FGGY: variants seen among roughly 807,000 people sequenced by gnomAD.
FGGY encodes FGGY carbohydrate kinase domain-containing protein.
In FGGY, 72 loss-of-function variants were observed where a neutral mutation model predicts 71.3. The observed-to-expected ratio is 1.01, with a 90% CI of 0.84 to 1.23. The LOEUF is 1.23. Ranked by LOEUF, FGGY falls within the 50% of genes most tolerant of loss-of-function variation. FGGY has a pLI of 0.00. For missense variants in FGGY, 668 were observed against 682.3 expected (o/e 0.98, Z 0.23); for synonymous variants, 251 against 250.3 (o/e 1.00, Z -0.02).
intron 11 of FGGY, among the ~76,000 whole-genome samples, chr1:59,642,308 T>G (rs1191634111): frequency 5.3e-5 from 8 of 152,160 alleles, no homozygotes. Flanking sequence ...AAGAGACAAA[T>G]TTAAGTATAC....
chr1:59,394,452 G>A lies in FGGY; in HGVS notation c.554+15615G>A, dbSNP rs1377697367. 1.4e-4 allele frequency among the ~76,000 whole-genome samples: 22 copies of A among 152,256 alleles called. No homozygotes were observed. In the East Asian group the frequency reaches 3.9e-3, roughly 27 times the overall value. On this transcript the variant is annotated intron_variant, in intron 5 of 15. Coordinates refer to ENST00000303721, the MANE Select transcript of FGGY (RefSeq NM_018291.5). ...TAAAATGCCCACCCTGGGACTTATT[G>A]TGTGACCTTGAGCACGTTACATACC...
chr1:59,726,739 T>A (rs1285667666), intron 14 of FGGY, among the ~76,000 whole-genome samples: 1 of 152,150 alleles, frequency 6.6e-6, no homozygotes, highest in East Asian at 1.9e-4. Context: ...TCTCTTTTTA[T>A]CTTGATTACC....
At chr1:59,461,273 T>C (rs552803028) in intron 6 of FGGY, among the ~76,000 whole-genome samples, 2 of 152,252 alleles carry the variant, frequency 1.3e-5, no homozygotes, top group East Asian at 3.9e-4. Flanking sequence ...ACGTGACACA[T>C]GCGCAAGCTT....
At chr1:59,693,503 A>G (rs1347846564) in intron 14 of FGGY, among the ~76,000 whole-genome samples, 1 of 152,244 alleles carries the variant, frequency 6.6e-6, no homozygotes, top group East Asian at 1.9e-4. Context: ...GCAGCGTGTC[A>G]TACATATTAA....
rs757918588 is a variant in FGGY at position 59,576,673 on chromosome 1, G to GACAC, written c.903+22449_903+22450insCACA. Among the ~76,000 whole-genome samples, 739 of 132,338 alleles carry GACAC rather than the reference G, an allele frequency of 5.6e-3. 4 individuals carry two copies. Among genetic ancestry groups the GACAC allele is most frequent in the African/African-American group, 0.013 (457 of 34,546 alleles). The allele number at this position is 132,338 out of a possible 152,430, so 86.8% of individuals were successfully genotyped here. On this transcript the variant is annotated intron_variant, in intron 8 of 15. Coordinates refer to ENST00000303721, the MANE Select transcript of FGGY (RefSeq NM_018291.5). ...GAGATTACAGACAGACAGACAGACA[G>GACAC]ACAGACACACACACACACACACACA...
intron 7 of FGGY, among the ~76,000 whole-genome samples, chr1:59,534,018 C>T (rs909108562): frequency 6.9e-4 from 105 of 152,240 alleles, no homozygotes; most frequent in African/African-American, 2.3e-3. Flanking sequence ...AGGCTTCAGA[C>T]GATCAAATTA....
At chr1:59,611,497 G>A (rs996666125) in intron 9 of FGGY, among the ~76,000 whole-genome samples, 2 of 152,128 alleles carry the variant, frequency 1.3e-5, no homozygotes, top group East Asian at 1.9e-4. Context: ...AACCCAATCT[G>A]TACGTCACCA....
At position 59,336,860 on chromosome 1, in the gene FGGY, A is replaced by G. The variant is rs75533756; in HGVS notation, c.202-3098A>G. On this transcript the variant is annotated intron_variant, in intron 2 of 15. Coordinates refer to ENST00000303721, the MANE Select transcript of FGGY (RefSeq NM_018291.5). ...TTTACGAGTGTGACATATTTCTCCAATTTTTAGCTCTTCATAGCAATGTTT... is the reference window on the plus strand; with the variant it reads ...TTTACGAGTGTGACATATTTCTCCAGTTTTTAGCTCTTCATAGCAATGTTT... 1.5e-4 allele frequency among the ~76,000 whole-genome samples: 23 copies of G among 152,094 alleles called. No individual in the cohort carries two copies. In the East Asian group the frequency reaches 4.1e-3, roughly 27 times the overall value.
intron 8 of FGGY, among the ~76,000 whole-genome samples, chr1:59,573,665 G>T (rs1015916094): frequency 6.6e-6 from 1 of 152,122 alleles, no homozygotes; most frequent in African/African-American, 2.4e-5. Context: ...AAGTAGTCAT[G>T]TGAAGGCCAT....
Position 59,345,918 on chromosome 1 carries a change from A to G in FGGY, c.314-329A>G, listed in dbSNP as rs538909856. The stretch of plus-strand genomic sequence containing the variant: ...CCTTTCCTGAATGTATGCCCAGAAA[A>G]GTTTTTCTAGAACAGAAGGGATAAG... On this transcript the variant is annotated intron_variant, in intron 3 of 15. Coordinates refer to ENST00000303721, the MANE Select transcript of FGGY (RefSeq NM_018291.5). Among the ~76,000 whole-genome samples, 4 of 152,298 alleles carry G rather than the reference A, an allele frequency of 2.6e-5. No individual in the cohort carries two copies. In the South Asian group the frequency reaches 8.3e-4, roughly 32 times the overall value.
At position 59,597,951 on chromosome 1, in the gene FGGY, C is replaced by T. The variant is rs116935429; in HGVS notation, c.904-9852C>T. On this transcript the variant is annotated intron_variant, in intron 8 of 15. Transcript: ENST00000303721. ...TATGGTTCTGACTCAGGATCCACCT[C>T]ACTACGTGATGTCAGAGCAACAGAG... 1.3e-4 allele frequency among the ~76,000 whole-genome samples: 20 copies of T among 152,334 alleles called. No homozygotes were observed. In the East Asian group the frequency reaches 3.7e-3, roughly 28 times the overall value.
chr1:59,313,948 C>T (rs2044877001), intron 1 of FGGY, among the ~76,000 whole-genome samples: 1 of 152,038 alleles, frequency 6.6e-6, no homozygotes, highest in Non-Finnish European at 1.5e-5. Context: ...TCCCCAAAAA[C>T]CTACGGAAAT....
chr1:59,754,152 G>T (rs1466553759), intron 14 of FGGY, among the ~76,000 whole-genome samples: 1 of 152,146 alleles, frequency 6.6e-6, no homozygotes, highest in Non-Finnish European at 1.5e-5. Flanking sequence ...AAAGTTAGTG[G>T]TGTAGGAAAT....
intron 8 of FGGY, among the ~76,000 whole-genome samples, chr1:59,575,700 A>G (rs373896185): frequency 2.5e-4 from 38 of 152,314 alleles, no homozygotes; most frequent in African/African-American, 8.4e-4. Context: ...GTACTAGTTT[A>G]CATTCCCACA....
At chr1:59,450,338 A>C (rs1311563176) in intron 5 of FGGY, among the ~76,000 whole-genome samples, 1 of 152,158 alleles carries the variant, frequency 6.6e-6, no homozygotes, top group South Asian at 2.1e-4. Context: ...TTGTTCATGC[A>C]TTGGATTGTA....
Position 59,352,068 on chromosome 1 carries a change from G to T in FGGY, c.465+5670G>T, listed in dbSNP as rs573164154. ...AGAATTGTCAGATGAAAGGAAAAATGCCATTTGAATTTTTCATAACCCCCA... is the reference window on the plus strand; with the variant it reads ...AGAATTGTCAGATGAAAGGAAAAATTCCATTTGAATTTTTCATAACCCCCA... On this transcript the variant is annotated intron_variant, in intron 4 of 15. Transcript: ENST00000303721. Among the ~76,000 whole-genome samples the T allele has an allele frequency of 1.4e-4, 22 of 152,286 alleles. No homozygotes were observed. The South Asian group carries it at 4.6e-3, about 32-fold the overall frequency.
intron 11 of FGGY, among the ~76,000 whole-genome samples, chr1:59,643,064 C>T (rs1288030387): frequency 1.3e-5 from 2 of 149,684 alleles, no homozygotes. Context: ...AAAACCATTA[C>T]ATACAAAGAA....
intron 5 of FGGY, among the ~76,000 whole-genome samples, chr1:59,417,521 A>G (rs921285274): frequency 1.3e-5 from 2 of 152,228 alleles, no homozygotes; most frequent in African/African-American, 4.8e-5. Context: ...AGGAAATGTC[A>G]AACTGTTTTC....
intron 14 of FGGY, among the ~76,000 whole-genome samples, chr1:59,701,463 T>C (rs187652891): frequency 1.3e-5 from 2 of 152,278 alleles, no homozygotes; most frequent in African/African-American, 4.8e-5. Flanking sequence ...GTGCCATCTG[T>C]GTGCCAACCA....
Sources: allele counts gnomAD v4.1 joint callset (sites outside exome capture counted in the v4.1 genomes callset), GRCh38; gene constraint gnomAD v4.1.1; transcripts MANE v1.5; gene names NCBI Gene and HGNC (gene_info 2026-07-23, HGNC 2026-07-21).